Variants in FBXO11 observed in about 807,000 individuals in gnomAD.
FBXO11 encodes F-box protein 11.
Under a neutral mutation model 117.0 loss-of-function variants are expected in FBXO11, and 13 were observed. The ratio of observed to expected loss-of-function variants is 0.11; its 90% CI spans 0.07 to 0.18. FBXO11 has a LOEUF of 0.18. Among genes scored for constraint, FBXO11 ranks in the 10% least tolerant of loss-of-function variants. The probability of loss-of-function intolerance (pLI) is 1.00; values close to 1 mark genes in which losing one functional copy is unlikely to be tolerated. For synonymous variants in FBXO11, 490 were observed against 380.5 expected, an observed-to-expected ratio of 1.29 and a Z score of -3.35; for missense variants, 767 against 1,164.4, an observed-to-expected ratio of 0.66 and a Z score of 4.97.
chr2:47,905,330 G>A (rs1678692001), intron 1 of FBXO11, 159 bp downstream of exon 1: 4 of 712,132 alleles, frequency 5.6e-6, no homozygotes, highest in African/African-American at 1.9e-5. Flanking sequence ...CCCGGCCCGG[G>A]CTGACACTGC....
intron 1 of FBXO11, among the ~76,000 whole-genome samples, chr2:47,894,214 C>A (rs1014456237): frequency 6.6e-6 from 1 of 151,716 alleles, no homozygotes; most frequent in Non-Finnish European, 1.5e-5. Context: ...CTCCTATACA[C>A]CAGGAACGGA....
At chr2:47,870,798 A>T (rs552799189) in intron 1 of FBXO11, among the ~76,000 whole-genome samples, 73 of 152,324 alleles carry the variant, frequency 4.8e-4, no homozygotes, top group Non-Finnish European at 7.5e-4. Context: ...ATTCAGACTG[A>T]TATGTGGAAC....
chr2:47,880,362 A>G (rs182744106), intron 1 of FBXO11, among the ~76,000 whole-genome samples: 1 of 152,236 alleles, frequency 6.6e-6, no homozygotes, highest in Admixed American at 6.5e-5. Flanking sequence ...TTATAAGAAG[A>G]CTTCTACTTT....
intron 18 of FBXO11, chr2:47,811,111 C>G (rs1253407150): frequency 6.6e-6 from 1 of 152,294 alleles, no homozygotes; most frequent in Admixed American, 6.5e-5. Context: ...TCAGTAACTT[C>G]TTGGGGTCCT....
intron 1 of FBXO11, among the ~76,000 whole-genome samples, chr2:47,904,730 T>A (rs929654057): frequency 2.7e-5 from 4 of 148,188 alleles, no homozygotes; most frequent in Admixed American, 2.0e-4. Context: ...GGCGAGGGGG[T>A]GTCGATAGAG....
At chr2:47,873,473 TC>T (rs886073440) in intron 1 of FBXO11, among the ~76,000 whole-genome samples, 2 of 152,192 alleles carry the variant, frequency 1.3e-5, no homozygotes, top group Non-Finnish European at 2.9e-5. Context: ...AATTCCTTAG[TC>T]TTTTGAGGTT....
At chr2:47,824,057 A>G (rs1671570103) in intron 11 of FBXO11, among the ~76,000 whole-genome samples, 1 of 152,242 alleles carries the variant, frequency 6.6e-6, no homozygotes, top group Admixed American at 6.5e-5. Flanking sequence ...AATAAGTCCA[A>G]GTACATTCAA....
At position 47,860,407 on chromosome 2, in the gene FBXO11, T is replaced by TG. The variant is rs1487257826; in HGVS notation, c.233-20639dup. Among the ~76,000 whole-genome samples the TG allele has an allele frequency of 4.6e-4, 69 of 149,976 alleles. 1 individual carries two copies. Among genetic ancestry groups the TG allele is most frequent in the African/African-American group, 1.5e-3 (62 of 40,796 alleles). ...CTTAGCCTTAAGAATTATTTTACCC[T>TG]GGATTTTTTTTTTTTTTTTTGGAGA... On this transcript the variant is annotated intron_variant, in intron 1 of 22. Transcript: ENST00000403359.
intron 1 of FBXO11, among the ~76,000 whole-genome samples, chr2:47,900,096 G>C (rs916705726): frequency 1.3e-5 from 2 of 152,198 alleles, no homozygotes; most frequent in East Asian, 3.9e-4. Flanking sequence ...AGGGAGAAAA[G>C]CAGGATAAGA....
chr2:47,851,103 C>T (rs1014417353), intron 1 of FBXO11, among the ~76,000 whole-genome samples: 2 of 152,082 alleles, frequency 1.3e-5, no homozygotes, highest in African/African-American at 2.4e-5. Context: ...ACTGATATGG[C>T]CAGAGTTATC....
intron 3 of FBXO11, 79 bp from the exon 4 acceptor site, chr2:47,839,082 C>G (rs1441164419): frequency 7.1e-7 from 1 of 1,414,298 alleles, no homozygotes; most frequent in African/African-American, 1.4e-5. Context: ...TTCATTTTAT[C>G]TAATGAATAG....
chr2:47,816,839 C>T (rs1252878118), intron 16 of FBXO11, among the ~76,000 whole-genome samples: 1 of 152,144 alleles, frequency 6.6e-6, no homozygotes, highest in Admixed American at 6.5e-5. Flanking sequence ...GTGCTATCAT[C>T]CATGATTTGT....
chr2:47,836,931 TC>T, intron 4 of FBXO11: 1 of 378,040 alleles, frequency 2.6e-6, no homozygotes, highest in Non-Finnish European at 5.1e-6. Context: ...AGAAATGAGG[TC>T]CCAGTATGTT....
intron 17 of FBXO11, 38 bp from the exon 18 acceptor site, chr2:47,813,415 T>C (rs774230404): frequency 7.7e-6 from 9 of 1,171,218 alleles, no homozygotes; most frequent in Middle Eastern, 2.7e-4. Context: ...AGAAGGTATA[T>C]TTCTTTTTAA....
Position 47,905,538 on chromosome 2 carries a change from TGGCGGC to T in FBXO11, c.177_182del (p.Pro65_Pro66del). ...CCTGAGGCAGCGGCGGAGGCGGCGG[TGGCGGC>T]GGCGGAGGCTGCTGCTGCTGCTGCT... is the stretch of plus-strand genomic sequence containing the variant. On this transcript the variant is annotated inframe_deletion, in exon 1 of 23. Coordinates refer to ENST00000403359, the MANE Select transcript of FBXO11 (RefSeq NM_001190274.2). 1.6e-6 allele frequency: 2 copies of T among 1,235,032 alleles called. No individual in the cohort carries two copies. Among genetic ancestry groups the T allele is most frequent in the African/African-American group, 1.6e-5 (1 of 63,114 alleles). The allele number at this position is 1,235,032 out of a possible 1,614,324, so 76.5% of individuals were successfully genotyped here.
chr2:47,849,245 G>C (rs1337810017), intron 1 of FBXO11, among the ~76,000 whole-genome samples: 3 of 152,088 alleles, frequency 2.0e-5, no homozygotes, highest in African/African-American at 7.2e-5. Flanking sequence ...TTATAATAGA[G>C]ATCCCAAAAG....
At chr2:47,812,223 T>C (rs2104649653) in intron 18 of FBXO11, among the ~76,000 whole-genome samples, 2 of 152,378 alleles carry the variant, frequency 1.3e-5, no homozygotes, top group East Asian at 3.9e-4. Context: ...CATCACACTA[T>C]ACATTTTATG....
At chr2:47,904,611 C>G (rs1678598311) in intron 1 of FBXO11, among the ~76,000 whole-genome samples, 1 of 125,852 alleles carries the variant, frequency 7.9e-6, no homozygotes, top group South Asian at 2.2e-4. Flanking sequence ...CACACACACA[C>G]ACACACACAC....
chr2:47,894,543 AT>A (rs955138513), intron 1 of FBXO11, among the ~76,000 whole-genome samples: 10 of 152,116 alleles, frequency 6.6e-5, no homozygotes, highest in Non-Finnish European at 1.5e-5. Context: ...AGTCCACAGT[AT>A]TTTTTTAAAA....
Sources: allele counts gnomAD v4.1 joint callset (sites outside exome capture counted in the v4.1 genomes callset), GRCh38; gene constraint gnomAD v4.1.1; transcripts MANE v1.5; gene names NCBI Gene and HGNC (gene_info 2026-07-23, HGNC 2026-07-21).